Variants in GPD2 observed in about 807,000 individuals in gnomAD.
GPD2 encodes glycerol-3-phosphate dehydrogenase, mitochondrial.
A neutral mutation model predicts 82.4 loss-of-function variants in GPD2; 54 were observed. That is an observed-to-expected ratio of 0.66 (90% CI 0.53 to 0.82). The LOEUF (loss-of-function observed/expected upper bound fraction) is 0.82, where lower values mean the gene tolerates loss of function less well. GPD2 is among the 40% of genes least tolerant of loss of function. The probability of loss-of-function intolerance (pLI) is 0.00; values close to 1 mark genes in which losing one functional copy is unlikely to be tolerated. For synonymous variants in GPD2, 288 were observed against 306.1 expected, an observed-to-expected ratio of 0.94 and a Z score of 0.62; for missense variants, 748 against 896.2, an observed-to-expected ratio of 0.83 and a Z score of 2.11.
At chr2:156,573,904 ACT>A (rs1405062567) in intron 13 of GPD2, among the ~76,000 whole-genome samples, 5 of 152,060 alleles carry the variant, frequency 3.3e-5, no homozygotes, top group Non-Finnish European at 5.9e-5. Context: ...GTGATAAATA[ACT>A]CTCCGTAGAT....
intron 1 of GPD2, among the ~76,000 whole-genome samples, chr2:156,464,622 G>T (rs1446169303): frequency 6.6e-6 from 1 of 152,028 alleles, no homozygotes; most frequent in East Asian, 1.9e-4. Context: ...TATATGTGTA[G>T]TGATGTTTAT....
At chr2:156,569,262 AAAC>A in intron 10 of GPD2, 98 bp from the exon 11 acceptor site, 2 of 823,434 alleles carry the variant, frequency 2.4e-6, no homozygotes, top group South Asian at 2.8e-5. Context: ...TGTTTGTTAC[AAAC>A]AACAGGAAAA....
chr2:156,510,063 A>G (rs1233170535), intron 3 of GPD2, among the ~76,000 whole-genome samples: 1 of 152,152 alleles, frequency 6.6e-6, no homozygotes, highest in Non-Finnish European at 1.5e-5. Context: ...GATTACAGGC[A>G]TAAGCCACTA....
intron 7 of GPD2, 49 bp from the exon 8 acceptor site, chr2:156,550,553 T>G: frequency 6.3e-7 from 1 of 1,593,312 alleles, no homozygotes; most frequent in South Asian, 1.1e-5. Flanking sequence ...CAGCATCCGT[T>G]AACAGAGAAA....
chr2:156,551,457 G>A (rs1686756401), intron 8 of GPD2, among the ~76,000 whole-genome samples: 3 of 152,074 alleles, frequency 2.0e-5, no homozygotes, highest in Admixed American at 6.6e-5. Flanking sequence ...TACATTTTAA[G>A]GTATTTATAG....
intron 6 of GPD2, among the ~76,000 whole-genome samples, chr2:156,533,306 T>C (rs531909362): frequency 2.0e-4 from 31 of 152,298 alleles, no homozygotes; most frequent in African/African-American, 6.5e-4. Context: ...GCAGTCTTTT[T>C]CTCCTCCATC....
At chr2:156,471,540 T>G (rs941049981) in intron 1 of GPD2, among the ~76,000 whole-genome samples, 5 of 152,216 alleles carry the variant, frequency 3.3e-5, no homozygotes, top group Admixed American at 3.3e-4. Context: ...CCAAACGAGA[T>G]AACTATTTGT....
In GPD2 at chr2:156,452,310, T is replaced by G. The variant is rs1480535416; in HGVS notation, c.-9+15797T>G. Among the ~76,000 whole-genome samples the G allele has an allele frequency of 4.6e-5, 7 of 152,222 alleles. No homozygotes were observed. The South Asian group carries it at 6.2e-4, about 13-fold the overall frequency. On this transcript the variant is annotated intron_variant, in intron 1 of 16. Coordinates refer to ENST00000438166, the MANE Select transcript of GPD2 (RefSeq NM_000408.5). ...ACTCCGTCTGCAATCCCGGCACCTC[T>G]GGAGGCCGAGGCTGGCGGATCACTC...
At chr2:156,455,265 G>A (rs1337994379) in intron 1 of GPD2, among the ~76,000 whole-genome samples, 4 of 152,142 alleles carry the variant, frequency 2.6e-5, no homozygotes, top group Non-Finnish European at 4.4e-5. Context: ...AGACTGCTCT[G>A]GAAAATTAGG....
chr2:156,563,250 C>CCT (rs1558963138), intron 9 of GPD2, among the ~76,000 whole-genome samples: 1 of 151,848 alleles, frequency 6.6e-6, no homozygotes, highest in African/African-American at 2.4e-5. Flanking sequence ...TGTATATGAC[C>CCT]CTTTACTAGA....
At chr2:156,515,280 T>C (rs1056945902) in intron 6 of GPD2, among the ~76,000 whole-genome samples, 3 of 151,586 alleles carry the variant, frequency 2.0e-5, no homozygotes, top group Admixed American at 1.3e-4. Context: ...CATGCACTTG[T>C]AGTCCCAGCT....
rs528775389 is a variant in GPD2, at chr2:156,448,918, T to G, written c.-9+12405T>G. Among the ~76,000 whole-genome samples, 146 of 152,350 alleles carry G rather than the reference T, an allele frequency of 9.6e-4. 3 individuals are homozygous for G. In the South Asian group the frequency reaches 0.013, roughly 14 times the overall value. On this transcript the variant is annotated intron_variant, in intron 1 of 16. Transcript: ENST00000438166. ...AAATTAAGGAGTTAGCAGGATGTGC[T>G]CCCTTCTGAGGAGTGAATATGGTCC...
upstream of GPD2, among the ~76,000 whole-genome samples, chr2:156,432,546 CCTGCAGCTGCATCCATATG>C (rs1200827546): frequency 4.8e-5 from 7 of 146,916 alleles, no homozygotes; most frequent in Non-Finnish European, 9.3e-5. Context: ...AGGATAACGG[CCTGCAGCTGCATCCATATG>C]CTGCAGCTGC....
chr2:156,427,008 A>G, the GPD2 span, among the ~76,000 whole-genome samples: 1 of 152,188 alleles, frequency 6.6e-6, no homozygotes, highest in South Asian at 2.1e-4. Context: ...GCAGAGGGAG[A>G]AATTGGATTG....
chr2:156,457,676 A>G (rs565283616), intron 1 of GPD2, among the ~76,000 whole-genome samples: 62 of 152,320 alleles, frequency 4.1e-4, no homozygotes, highest in African/African-American at 1.4e-3. Flanking sequence ...GTTCAGAACA[A>G]AGTGCTGGTT....
chr2:156,547,691 C>T (rs1232329256), intron 6 of GPD2, among the ~76,000 whole-genome samples: 1 of 152,176 alleles, frequency 6.6e-6, no homozygotes, highest in Non-Finnish European at 1.5e-5. Context: ...AATTAGGGAA[C>T]ATTTGTTAGT....
the GPD2 span, among the ~76,000 whole-genome samples, chr2:156,400,839 C>T: frequency 2.5e-3 from 382 of 152,284 alleles, 4 homozygotes; most frequent in Non-Finnish European, 2.1e-3. Context: ...CCGGCATCTC[C>T]AAATCAGCCG....
intron 1 of GPD2, among the ~76,000 whole-genome samples, chr2:156,438,110 T>C (rs528111889): frequency 6.6e-6 from 1 of 152,200 alleles, no homozygotes; most frequent in East Asian, 1.9e-4. Flanking sequence ...ATGAGTGACC[T>C]CCAATGCCTA....
At chr2:156,579,863 G>T (rs1042055506) in intron 16 of GPD2, 75 bp downstream of exon 16, 25 of 779,258 alleles carry the variant, frequency 3.2e-5, no homozygotes, top group Middle Eastern at 2.2e-4. Context: ...GCATGTTCAA[G>T]AATGGATATT....
Sources: allele counts gnomAD v4.1 joint callset (sites outside exome capture counted in the v4.1 genomes callset), GRCh38; gene constraint gnomAD v4.1.1; transcripts MANE v1.5; gene names NCBI Gene and HGNC (gene_info 2026-07-23, HGNC 2026-07-21).